Variants in CRHBP observed in about 807,000 individuals in gnomAD.
CRHBP encodes corticotropin-releasing hormone-binding protein.
In CRHBP, 19 loss-of-function variants were observed where a neutral mutation model predicts 34.9. The observed-to-expected ratio is 0.55, with a 90% CI of 0.38 to 0.80. The LOEUF (loss-of-function observed/expected upper bound fraction) is 0.80, where lower values mean the gene tolerates loss of function less well. Among genes scored for constraint, CRHBP ranks in the 30% least tolerant of loss-of-function variants. CRHBP has a pLI of 0.00. For synonymous variants in CRHBP, 154 were observed against 153.4 expected (o/e 1.00, Z -0.03); for missense variants, 328 against 409.2 (o/e 0.80, Z 1.71).
intron 6 of CRHBP, 77 bp downstream of exon 6, chr5:76,963,537 C>T (rs1580094872): frequency 2.3e-6 from 3 of 1,298,150 alleles, no homozygotes; most frequent in Non-Finnish European, 1.1e-6. Context: ...ATATTTTCTA[C>T]ATTGGAAGGT....
rs911085723 is a variant in CRHBP at position 76,969,354 on chromosome 5, T to A, written c.*469T>A. On this transcript the variant is annotated 3_prime_UTR_variant, in exon 7 of 7. Transcript: ENST00000274368. ...TTATTATTGTTACAATAGGTAATAG[T>A]TATAGCAATTATTTATTGATTTGTA... The A allele has an allele frequency of 1.1e-4, 17 of 152,934 alleles. No homozygotes were observed. Among genetic ancestry groups the A allele is most frequent in the African/African-American group, 4.1e-4 (17 of 41,582 alleles). 9.5% of individuals were successfully genotyped at this position (152,934 alleles called of 1,614,324 possible). A position where few individuals can be genotyped will look rare whatever the true frequency, so the allele number is the denominator to read the frequency against.
Position 76,969,040 on chromosome 5 carries a change from C to A in CRHBP, c.*155C>A. ...GCACACACACACACACATACACACACGCATTAATTTTTGTACTTTGCTTCT... is the reference window on the plus strand; with the variant it reads ...GCACACACACACACACATACACACAAGCATTAATTTTTGTACTTTGCTTCT... On this transcript the variant is annotated 3_prime_UTR_variant, in exon 7 of 7. Transcript: ENST00000274368. 1 of 701,074 alleles carries A rather than the reference C, an allele frequency of 1.4e-6. No individual in the cohort carries two copies. The highest frequency in any genetic ancestry group is 3.0e-5 in the South Asian group (1 of 33,874). The allele number at this position is 701,074 out of a possible 1,614,324, so 43.4% of individuals were successfully genotyped here.
chr5:76,977,910 G>A (rs1365172753), intron 3 of CRHBP, among the ~76,000 whole-genome samples: 1 of 152,204 alleles, frequency 6.6e-6, no homozygotes, highest in African/African-American at 2.4e-5. Context: ...CTACTCCAGT[G>A]AATACACAAA....
chr5:76,959,770 A>ATAAGGACATTTTTG (rs1745747226), intron 5 of CRHBP, among the ~76,000 whole-genome samples: 1 of 152,212 alleles, frequency 6.6e-6, no homozygotes, highest in African/African-American at 2.4e-5. Flanking sequence ...TAGTCCTTTG[A>ATAAGGACATTTTTG]TAAGGACATT....
intron 6 of CRHBP, 75 bp from the exon 7 acceptor site, chr5:76,968,653 T>A: frequency 6.8e-7 from 1 of 1,466,910 alleles, no homozygotes; most frequent in South Asian, 1.4e-5. Flanking sequence ...TATGTTTAAG[T>A]GATCCCGTCA....
intron 6 of CRHBP, among the ~76,000 whole-genome samples, chr5:76,964,294 C>A (rs542714152): frequency 0.017 from 2,606 of 152,266 alleles, 75 homozygotes; most frequent in African/African-American, 0.058. Flanking sequence ...AGAAGAACAG[C>A]AGTCTCTAAT....
At chr5:76,964,080 T>C (rs534882095) in intron 6 of CRHBP, among the ~76,000 whole-genome samples, 1 of 152,338 alleles carries the variant, frequency 6.6e-6, no homozygotes, top group African/African-American at 2.4e-5. Flanking sequence ...ACCAGATCTA[T>C]GTCAGAGACA....
chr5:76,971,533 G>A (rs187536986), downstream of CRHBP, among the ~76,000 whole-genome samples: 1 of 152,280 alleles, frequency 6.6e-6, no homozygotes, highest in Non-Finnish European at 1.5e-5. Flanking sequence ...GGAAGCTAGG[G>A]TTAGTTAAGG....
At chr5:76,959,182 C>T (rs1250845015) in intron 5 of CRHBP, among the ~76,000 whole-genome samples, 4 of 152,134 alleles carry the variant, frequency 2.6e-5, no homozygotes, top group African/African-American at 4.8e-5. Context: ...CAATTGAACT[C>T]TCTTGTACTT....
At chr5:76,961,320 C>G (rs1469714517) in intron 5 of CRHBP, among the ~76,000 whole-genome samples, 1 of 152,122 alleles carries the variant, frequency 6.6e-6, no homozygotes, top group Non-Finnish European at 1.5e-5. Context: ...CTATTTCTTC[C>G]TAGCTTCTTT....
downstream of CRHBP, among the ~76,000 whole-genome samples, chr5:76,972,365 A>G (rs1222852045): frequency 6.6e-6 from 1 of 152,008 alleles, no homozygotes; most frequent in Non-Finnish European, 1.5e-5. Flanking sequence ...CCGGGCATGG[A>G]GGCAGGCGCC....
At chr5:76,973,181 A>G (rs1315264292), downstream of CRHBP, among the ~76,000 whole-genome samples, 1 of 152,204 alleles carries the variant, frequency 6.6e-6, no homozygotes, top group Non-Finnish European at 1.5e-5. Context: ...TACTTCATAC[A>G]ATGGGCCTGT....
chr5:76,954,335 G>T (rs1745631718), intron 3 of CRHBP, 149 bp downstream of exon 3: 1 of 947,478 alleles, frequency 1.1e-6, no homozygotes. Context: ...TCGGAGAGGC[G>T]CGTTCGAGGA....
At chr5:76,970,622 A>G (rs10514082), downstream of CRHBP, among the ~76,000 whole-genome samples, 20,486 of 152,206 alleles carry the variant, frequency 0.13, 1,557 homozygotes, top group South Asian at 0.23. Context: ...ACTAAATTCT[A>G]TGAAGCAGGA....
chr5:76,977,489 T>C (rs766097154), intron 3 of CRHBP, among the ~76,000 whole-genome samples: 14 of 152,214 alleles, frequency 9.2e-5, no homozygotes, highest in Non-Finnish European at 1.3e-4. Context: ...GTTATGGTGA[T>C]CTGTGATCAG....
intron 3 of CRHBP, among the ~76,000 whole-genome samples, chr5:76,979,347 G>A (rs532750632): frequency 4.6e-5 from 7 of 150,746 alleles, no homozygotes; most frequent in East Asian, 2.0e-4. Flanking sequence ...CACTGTGCCC[G>A]GCCAACAATA....
chr5:76,963,771 G>A (rs1457332593), intron 6 of CRHBP, among the ~76,000 whole-genome samples: 2 of 152,006 alleles, frequency 1.3e-5, no homozygotes, highest in African/African-American at 4.8e-5. Flanking sequence ...AGAGACTAAA[G>A]AGTTTACTAA....
At chr5:76,963,198 T>G (rs1745808765) in intron 5 of CRHBP, 145 bp from the exon 6 acceptor site, 1 of 599,818 alleles carries the variant, frequency 1.7e-6, no homozygotes, top group East Asian at 2.7e-5. Context: ...GTCTTTTAAT[T>G]TCCAGAGTCC....
chr5:76,978,479 A>C (rs1746072940), intron 3 of CRHBP, among the ~76,000 whole-genome samples: 1 of 152,224 alleles, frequency 6.6e-6, no homozygotes, highest in Admixed American at 6.5e-5. Flanking sequence ...ATGATAGCAC[A>C]TCTGTTTACA....
Sources: gnomAD v4.1 joint callset for allele counts (sites outside exome capture counted in the v4.1 genomes callset) on GRCh38, gnomAD v4.1.1 for gene constraint, MANE v1.5 for transcripts, NCBI Gene and HGNC (gene_info 2026-07-23, HGNC 2026-07-21) for gene names.